SMAP1: variants seen among roughly 807,000 people sequenced by gnomAD.
SMAP1 encodes the protein stromal membrane-associated protein 1.
In SMAP1, 24 loss-of-function variants were observed where a neutral mutation model predicts 58.5. The observed-to-expected ratio is 0.41, with a 90% confidence interval of 0.30 to 0.58. The LOEUF is 0.58. Ranked by LOEUF, SMAP1 falls within the 20% of genes least tolerant of loss-of-function variation. SMAP1 has a pLI of 0.29. For synonymous variants in SMAP1, 216 were observed against 196.6 expected, an observed-to-expected ratio of 1.10 and a Z score of -0.82; for missense variants, 563 against 566.3, an observed-to-expected ratio of 0.99 and a Z score of 0.06.
At chr6:70,850,652 A>G (rs1375761510) in intron 7 of SMAP1, among the ~76,000 whole-genome samples, 1 of 152,076 alleles carries the variant, frequency 6.6e-6, no homozygotes, top group Non-Finnish European at 1.5e-5. Flanking sequence ...ATGTTTGCCC[A>G]TCTCTAACTC....
intron 1 of SMAP1, among the ~76,000 whole-genome samples, chr6:70,677,482 G>C (rs1054703603): frequency 2.6e-5 from 3 of 114,310 alleles, no homozygotes; most frequent in Non-Finnish European, 4.8e-5. Flanking sequence ...CCAGTGGCTC[G>C]ATCTCGGCTC....
chr6:70,691,127 CT>C, intron 1 of SMAP1, among the ~76,000 whole-genome samples: 1 of 152,272 alleles, frequency 6.6e-6, no homozygotes, highest in African/African-American at 2.4e-5. Context: ...TTTATTGTAT[CT>C]GTAGAATCTG....
intron 4 of SMAP1, among the ~76,000 whole-genome samples, chr6:70,781,394 C>T (rs756763450): frequency 2.5e-4 from 38 of 152,000 alleles, no homozygotes; most frequent in Non-Finnish European, 3.4e-4. Context: ...TTTACGTTTT[C>T]AGCTTTTTTA....
chr6:70,744,893 T>C (rs1765963836), intron 2 of SMAP1, among the ~76,000 whole-genome samples: 1 of 152,242 alleles, frequency 6.6e-6, no homozygotes, highest in Non-Finnish European at 1.5e-5. Context: ...TATCTCATTG[T>C]GGTTTTGATT....
At chr6:70,708,653 C>T (rs1331061938) in intron 1 of SMAP1, among the ~76,000 whole-genome samples, 1 of 152,064 alleles carries the variant, frequency 6.6e-6, no homozygotes, top group Non-Finnish European at 1.5e-5. Flanking sequence ...TGATAATAGC[C>T]TTCTTAACAG....
In SMAP1 at chr6:70,672,040, C is replaced by T. The variant is rs11970654; in HGVS notation, c.118+3899C>T. On this transcript the variant is annotated intron_variant, in intron 1 of 10. Transcript: ENST00000370455. ...TGATATTGAGAGGGTAAGCTCATTGCTGAGATCAAACACTCGTTTCTTTGT... is the reference window on the plus strand; with the variant it reads ...TGATATTGAGAGGGTAAGCTCATTGTTGAGATCAAACACTCGTTTCTTTGT... 2.1e-3 allele frequency among the ~76,000 whole-genome samples: 327 copies of T among 152,300 alleles called. 4 individuals are homozygous for T. Among genetic ancestry groups the T allele is most frequent in the Admixed American group, 0.018 (272 of 15,308 alleles).
At chr6:70,738,230 A>G (rs118045612) in intron 2 of SMAP1, among the ~76,000 whole-genome samples, 1 of 152,224 alleles carries the variant, frequency 6.6e-6, no homozygotes, top group East Asian at 1.9e-4. Flanking sequence ...AGTTCCAAAA[A>G]CATTTTCATT....
rs369480662 is a variant in SMAP1 at position 70,798,637 on chromosome 6, A to T, written c.496-20A>T. 273 of 1,490,014 alleles carry T rather than the reference A, an allele frequency of 1.8e-4. No individual in the cohort carries two copies. The African/African-American group carries it at 3.6e-3, about 20-fold the overall frequency. 92.3% of individuals were successfully genotyped at this position (1,490,014 alleles called of 1,614,324 possible). A position where few individuals can be genotyped will look rare whatever the true frequency, so the allele number is the denominator to read the frequency against. ...TTTTTTAAAAAAGTAAACTTATCAA[A>T]ACTTTGGGCTGTGTTTTAGAAAGAA... On this transcript the variant is annotated intron_variant, in intron 5 of 10. Coordinates refer to ENST00000370455, the MANE Select transcript of SMAP1 (RefSeq NM_001044305.3).
intron 1 of SMAP1, among the ~76,000 whole-genome samples, chr6:70,714,226 A>G (rs1768172815): frequency 6.6e-6 from 1 of 151,832 alleles, no homozygotes; most frequent in Non-Finnish European, 1.5e-5. Context: ...GTCCATTTAC[A>G]TTTAAAGTAA....
At chr6:70,690,688 TTATA>T (rs111848722) in intron 1 of SMAP1, among the ~76,000 whole-genome samples, 2 of 136,550 alleles carry the variant, frequency 1.5e-5, no homozygotes, top group African/African-American at 2.5e-5. Flanking sequence ...GATGTATCTT[TTATA>T]TATATATATA....
chr6:70,840,500 T>C (rs1770760698), intron 7 of SMAP1, among the ~76,000 whole-genome samples: 1 of 152,206 alleles, frequency 6.6e-6, no homozygotes, highest in Non-Finnish European at 1.5e-5. Context: ...TATGATCTCT[T>C]ACAACTATTC....
At chr6:70,805,599 T>C (rs1769090373) in intron 6 of SMAP1, among the ~76,000 whole-genome samples, 1 of 152,224 alleles carries the variant, frequency 6.6e-6, no homozygotes, top group Non-Finnish European at 1.5e-5. Flanking sequence ...TTTTATAATT[T>C]TCAGCTTTTC....
At chr6:70,857,881 G>A (rs766215994) in intron 9 of SMAP1, 41 bp from the exon 10 acceptor site, 51 of 1,595,628 alleles carry the variant, frequency 3.2e-5, no homozygotes, top group African/African-American at 8.1e-5. Flanking sequence ...GCAACTACAC[G>A]TGATAGCTCT....
chr6:70,673,506 A>G (rs1210885735), intron 1 of SMAP1, among the ~76,000 whole-genome samples: 1 of 152,220 alleles, frequency 6.6e-6, no homozygotes, highest in Non-Finnish European at 1.5e-5. Context: ...GCAAGAGCCA[A>G]TCCAAGAGTT....
chr6:70,825,457 C>T (rs999846818), intron 6 of SMAP1, among the ~76,000 whole-genome samples: 1 of 151,884 alleles, frequency 6.6e-6, no homozygotes, highest in Non-Finnish European at 1.5e-5. Context: ...CTCCAGAATA[C>T]TGTGTAAAAA....
chr6:70,785,059 G>T (rs922544203), intron 4 of SMAP1, among the ~76,000 whole-genome samples: 4 of 151,930 alleles, frequency 2.6e-5, no homozygotes, highest in African/African-American at 9.7e-5. Context: ...GGAAGTAAAG[G>T]TCTCCTCAGC....
intron 1 of SMAP1, among the ~76,000 whole-genome samples, chr6:70,714,674 T>G (rs1192747192): frequency 1.3e-5 from 2 of 152,172 alleles, no homozygotes; most frequent in African/African-American, 4.8e-5. Flanking sequence ...ATATTTAACT[T>G]TACTAACAAG....
At chr6:70,824,575 A>G (rs1200382740) in intron 6 of SMAP1, among the ~76,000 whole-genome samples, 2 of 152,176 alleles carry the variant, frequency 1.3e-5, no homozygotes, top group Admixed American at 6.5e-5. Flanking sequence ...TATTATTTAT[A>G]TTATGCAGTG....
intron 10 of SMAP1, chr6:70,858,536 G>A (rs980663880): frequency 1.9e-5 from 4 of 214,046 alleles, no homozygotes; most frequent in Non-Finnish European, 3.7e-5. Flanking sequence ...CAGGCATCAT[G>A]AGACTCCCTC....
Sources: allele counts gnomAD v4.1 joint callset (sites outside exome capture counted in the v4.1 genomes callset), GRCh38; gene constraint gnomAD v4.1.1; transcripts MANE v1.5; gene names NCBI Gene and HGNC (gene_info 2026-07-23, HGNC 2026-07-21).